The following APOLD1 variants were observed in gnomAD, a reference collection of about 807,000 sequenced individuals.
The protein encoded by APOLD1 is apolipoprotein L domain-containing protein 1.
Under a neutral mutation model 15.3 loss-of-function variants are expected in APOLD1, and 22 were observed. The observed-to-expected ratio is 1.44, with a 90% confidence interval of 1.03 to 2.05. The LOEUF is 2.05. APOLD1 is among the 30% of genes most tolerant of loss of function. APOLD1 has a pLI of 0.00. For synonymous variants in APOLD1, 190 were observed against 167.4 expected, an observed-to-expected ratio of 1.13 and a Z score of -1.04; for missense variants, 394 against 353.5, an observed-to-expected ratio of 1.11 and a Z score of -0.92.
intron 1 of APOLD1, among the ~76,000 whole-genome samples, chr12:12,763,546 A>G (rs1946919717): frequency 6.6e-6 from 1 of 152,270 alleles, no homozygotes; most frequent in Middle Eastern, 3.4e-3. Flanking sequence ...ACAATAAAAA[A>G]TAATACAAAT....
At position 12,787,095 on chromosome 12, in the gene APOLD1, G is replaced by A; in HGVS notation, c.190G>A (p.Ala64Thr). Residue 64 changes from alanine to threonine, a missense_variant, in exon 2 of 2, where the codon GCA becomes ACA. Ala to Thr is a moderately conservative substitution (Grantham distance 58). Coordinates refer to ENST00000356591, the MANE Select transcript of APOLD1 (RefSeq NM_030817.3). The surrounding 1 kb of genome is among the most constrained non-coding windows in gnomAD (Gnocchi z 4.9). Reference sequence around the variant, plus strand: ...CAACGTGGCCGGCAGCTCGCTGAGCGCAACGGGCGCCCTCGCCGCCATCGT... The same window carrying A: ...CAACGTGGCCGGCAGCTCGCTGAGCACAACGGGCGCCCTCGCCGCCATCGT... ...VANVAGSSLS[A>T]TGALAAIVGL... is the part of the protein sequence containing the mutation. 2.1e-6 allele frequency: 3 copies of A among 1,405,818 alleles called. No homozygotes were observed. Among genetic ancestry groups the A allele is most frequent in the East Asian group, 2.9e-5 (1 of 35,060 alleles). 87.1% of individuals were successfully genotyped at this position (1,405,818 alleles called of 1,614,324 possible).
rs1212128633 is a variant in APOLD1 at position 12,787,002 on chromosome 12, G to T, written c.97G>T (p.Gly33Cys). ...LLLDRRGRLH[G>C]QVLRLREVAR... ...GCTGGACCGCCGAGGCCGGCTGCAC[G>T]GCCAGGTGCTGCGCCTGCGCGAGGT... Residue 33 changes from glycine (G) to cysteine (C), a missense_variant, in exon 2 of 2, where the codon GGC (glycine) becomes TGC (cysteine). Gly to Cys is a radical substitution (Grantham distance 159). Coordinates refer to ENST00000356591, the MANE Select transcript of APOLD1 (RefSeq NM_030817.3). This position sits in a 1 kb window ranked among gnomAD's most constrained non-coding sequence, Gnocchi z 4.9. 1.1e-5 allele frequency: 15 copies of T among 1,407,428 alleles called. No individual in the cohort carries two copies. The highest frequency in any genetic ancestry group is 1.4e-5 in the Non-Finnish European group (15 of 1,092,188). 87.2% of individuals were successfully genotyped at this position (1,407,428 alleles called of 1,614,324 possible). A position where few individuals can be genotyped will look rare whatever the true frequency, so the allele number is the denominator to read the frequency against.
intron 1 of APOLD1, among the ~76,000 whole-genome samples, chr12:12,736,075 G>T (rs58298630): frequency 0.013 from 2,004 of 152,184 alleles, 32 homozygotes; most frequent in African/African-American, 0.046. Context: ...AAACAACTAG[G>T]CTGGGAGCAG....
intron 1 of APOLD1, among the ~76,000 whole-genome samples, chr12:12,768,322 A>C (rs1015082315): frequency 2.0e-5 from 3 of 152,142 alleles, no homozygotes; most frequent in African/African-American, 7.2e-5. Flanking sequence ...TTTCCAATAT[A>C]ATAAATAAAA....
rs1947124757 is a variant in APOLD1 at position 12,786,428 on chromosome 12, TTTCA to T, written c.4-474_4-471del. ...ATTTTTGAGGTTTTGGTGAAGTCTT[TTTCA>T]TTCATTAGAGAGAGAGAAAAGTGTG... On this transcript the variant is annotated intron_variant, in intron 1 of 1. Transcript: ENST00000356591. 2.0e-5 allele frequency among the ~76,000 whole-genome samples: 3 copies of T among 152,192 alleles called. No individual in the cohort carries two copies. In the South Asian group the frequency reaches 6.2e-4, roughly 32 times the overall value.
chr12:12,786,780 C>G, intron 1 of APOLD1, 129 bp from the exon 2 acceptor site: 5 of 1,301,020 alleles, frequency 3.8e-6, no homozygotes, highest in Non-Finnish European at 4.9e-6. Context: ...GAAACAGACC[C>G]GTTCCCCTAG....
At chr12:12,753,353 G>T (rs927759920) in intron 1 of APOLD1, among the ~76,000 whole-genome samples, 3 of 152,186 alleles carry the variant, frequency 2.0e-5, no homozygotes, top group Admixed American at 6.5e-5. Flanking sequence ...GTGGAAATTT[G>T]AATGATTGTT....
intron 1 of APOLD1, among the ~76,000 whole-genome samples, chr12:12,753,978 G>C (rs1041358273): frequency 6.6e-6 from 1 of 151,794 alleles, no homozygotes; most frequent in African/African-American, 2.4e-5. Flanking sequence ...GCTTTGGAAG[G>C]CTGAGGTGGG....
At chr12:12,768,659 A>T (rs1049253516) in intron 1 of APOLD1, among the ~76,000 whole-genome samples, 7 of 139,916 alleles carry the variant, frequency 5.0e-5, no homozygotes, top group Non-Finnish European at 1.1e-4. Context: ...CTCTTAAATT[A>T]AAAAAAAAAA....
Position 12,786,953 on chromosome 12 carries a change from G to C in APOLD1, c.48G>C (p.Ala16=), listed in dbSNP as rs1347440222. 2.1e-6 allele frequency: 3 copies of C among 1,459,444 alleles called. No homozygotes were observed. In the African/African-American group the frequency reaches 4.4e-5, roughly 22 times the overall value. The allele number at this position is 1,459,444 out of a possible 1,614,324, so 90.4% of individuals were successfully genotyped here. A position where few individuals can be genotyped will look rare whatever the true frequency, so the allele number is the denominator to read the frequency against. ...CCCGGGAGCCGCATGGGCCCGACGC[G>C]CTGCGGCGCTTCCAGGGACTGCTGC... The part of the protein sequence containing the change: ...PAAREPHGPD[A]LRRFQGLLLD... Residue 16 remains alanine (A), a synonymous_variant, in exon 2 of 2, where the codon GCG becomes GCC. Coordinates refer to ENST00000356591, the MANE Select transcript of APOLD1 (RefSeq NM_030817.3).
chr12:12,743,585 A>G (rs578238052), intron 1 of APOLD1, among the ~76,000 whole-genome samples: 25 of 152,310 alleles, frequency 1.6e-4, no homozygotes, highest in African/African-American at 5.5e-4. Flanking sequence ...ACTCTGTGGG[A>G]GGCACAAGAA....
chr12:12,766,391 G>A (rs10772599), intron 1 of APOLD1, among the ~76,000 whole-genome samples: 65,926 of 152,032 alleles, frequency 0.43, 17,267 homozygotes, highest in Non-Finnish European at 0.57. Context: ...GTTAAGGTGG[G>A]GGCCATAAGT....
chr12:12,732,550 C>T (rs1335578325), intron 1 of APOLD1, among the ~76,000 whole-genome samples: 1 of 151,832 alleles, frequency 6.6e-6, no homozygotes, highest in Non-Finnish European at 1.5e-5. Flanking sequence ...CATGGCGAAA[C>T]CCCGTCTCTA....
At chr12:12,769,384 A>G (rs1402533459) in intron 1 of APOLD1, among the ~76,000 whole-genome samples, 1 of 152,218 alleles carries the variant, frequency 6.6e-6, no homozygotes, top group African/African-American at 2.4e-5. Context: ...GATAATCACA[A>G]CTTAATTACT....
At chr12:12,755,170 T>C (rs560567788) in intron 1 of APOLD1, among the ~76,000 whole-genome samples, 61 of 152,330 alleles carry the variant, frequency 4.0e-4, no homozygotes, top group South Asian at 1.4e-3. Flanking sequence ...GAAAACTTTA[T>C]TTGTATAAAA....
chr12:12,747,619 A>G (rs1448018434), intron 1 of APOLD1, among the ~76,000 whole-genome samples: 3 of 152,240 alleles, frequency 2.0e-5, no homozygotes, highest in South Asian at 4.1e-4. Context: ...CCTGCAACCC[A>G]GTCCTATCAG....
intron 1 of APOLD1, among the ~76,000 whole-genome samples, chr12:12,735,904 C>T (rs547734683): frequency 1.3e-5 from 2 of 152,224 alleles, no homozygotes; most frequent in African/African-American, 2.4e-5. Flanking sequence ...CTATAATCCA[C>T]CACTGCCACT....
rs888243616 is a variant in APOLD1, at chr12:12,763,428, A to G, written c.97-23481A>G. On this transcript the variant is annotated intron_variant, in intron 1 of 1. Transcript: ENST00000326765. ...TGTAGTATTTGTGTATAACCTATGC[A>G]CATCTTCCAATATATAGTTGGCTTT... is the stretch of plus-strand genomic sequence containing the variant. Among the ~76,000 whole-genome samples, 21 of 152,232 alleles carry G rather than the reference A, an allele frequency of 1.4e-4. No homozygotes were observed. The East Asian group carries it at 4.1e-3, about 29-fold the overall frequency.
At chr12:12,739,310 G>A (rs894829894) in intron 1 of APOLD1, among the ~76,000 whole-genome samples, 2 of 152,232 alleles carry the variant, frequency 1.3e-5, no homozygotes, top group Non-Finnish European at 2.9e-5. Context: ...TGAAAGCCAG[G>A]GAGATCGAGA....
Sources: allele counts gnomAD v4.1 joint callset (sites outside exome capture counted in the v4.1 genomes callset), GRCh38; gene constraint gnomAD v4.1.1; non-coding constraint Gnocchi (gnomAD v3.1); transcripts MANE v1.5; gene names NCBI Gene and HGNC (gene_info 2026-07-23, HGNC 2026-07-21).